The following MICAL2 variants were observed in gnomAD, a reference collection of about 807,000 sequenced individuals.
The protein encoded by MICAL2 is microtubule associated monooxygenase, calponin and LIM domain containing 2, also known as [F-actin]-monooxygenase MICAL2.
Under a neutral mutation model 127.3 loss-of-function variants are expected in MICAL2, and 77 were observed. The ratio of observed to expected loss-of-function variants is 0.60; its 90% CI spans 0.50 to 0.73. The LOEUF (loss-of-function observed/expected upper bound fraction) is 0.73. Ranked by LOEUF, MICAL2 falls within the 30% of genes least tolerant of loss-of-function variation. The pLI is 0.00. For synonymous variants in MICAL2, 570 were observed against 551.1 expected (o/e 1.03, Z -0.48); for missense variants, 1,351 against 1,434.4 (o/e 0.94, Z 0.94).
chr11:12,315,547 A>G (rs1361283416), intron 29 of MICAL2, among the ~76,000 whole-genome samples: 1 of 152,194 alleles, frequency 6.6e-6, no homozygotes, highest in Non-Finnish European at 1.5e-5. Flanking sequence ...GATATTCCAG[A>G]GTATCTTTCC....
chr11:12,141,634 G>A (rs1236908139), intron 2 of MICAL2, among the ~76,000 whole-genome samples: 2 of 152,306 alleles, frequency 1.3e-5, no homozygotes, highest in Non-Finnish European at 2.9e-5. Context: ...AGTGAAAGTT[G>A]GTTGGTATCA....
intron 14 of MICAL2, 49 bp downstream of exon 14, chr11:12,226,419 C>G: frequency 6.4e-7 from 1 of 1,569,562 alleles, no homozygotes. Context: ...CCAACTCTGT[C>G]CCTGTCTCTG....
Position 12,255,733 on chromosome 11 carries a change from G to A in MICAL2, c.2938G>A (p.Ala980Thr). 1 of 1,613,650 alleles carries A rather than the reference G, an allele frequency of 6.2e-7. No individual in the cohort carries two copies. Among genetic ancestry groups the A allele is most frequent in the Non-Finnish European group, 8.5e-7 (1 of 1,179,778 alleles). Residue 980 changes from alanine (A) to threonine (T), a missense_variant, in exon 23 of 28, where the codon GCC becomes ACC. Coordinates refer to ENST00000683283, the MANE Select transcript of MICAL2 (RefSeq NM_001282663.2). The stretch of plus-strand genomic sequence containing the variant: ...GAATGATCACAGACCTAAGGCCCAG[G>A]CCACCTCTCCAGACCTGGTAAGGAC... ...YMNDHRPKAQ[A>T]TSPDLESMRK... is the part of the protein sequence containing the mutation.
intron 32 of MICAL2, among the ~76,000 whole-genome samples, chr11:12,335,813 G>A (rs1173649160): frequency 6.6e-6 from 1 of 152,060 alleles, no homozygotes; most frequent in East Asian, 1.9e-4. Flanking sequence ...ATTGGTCTGT[G>A]TATCTGTTTT....
At chr11:12,127,316 C>A (rs1389148795) in intron 1 of MICAL2, among the ~76,000 whole-genome samples, 1 of 152,192 alleles carries the variant, frequency 6.6e-6, no homozygotes, top group Non-Finnish European at 1.5e-5. Flanking sequence ...CTCATTCATT[C>A]ATTCAGCAGG....
At chr11:12,259,670 C>A in intron 25 of MICAL2, 125 bp from the exon 26 acceptor site, 1 of 845,904 alleles carries the variant, frequency 1.2e-6, no homozygotes, top group Non-Finnish European at 1.7e-6. Flanking sequence ...AGTCGGGGGG[C>A]TGAGATTATT....
intron 3 of MICAL2, among the ~76,000 whole-genome samples, chr11:12,174,218 A>T (rs1856586120): frequency 6.6e-6 from 1 of 152,142 alleles, no homozygotes; most frequent in African/African-American, 2.4e-5. Context: ...AATTTTAACC[A>T]TTTTAAAATG....
intron 17 of MICAL2, among the ~76,000 whole-genome samples, chr11:12,240,261 G>A (rs1238298322): frequency 1.3e-5 from 2 of 152,202 alleles, no homozygotes; most frequent in Non-Finnish European, 1.5e-5. Flanking sequence ...TCTGACTCCG[G>A]CTCCGAGGTC....
exon 3 of MICAL2, chr11:12,287,143 T>C (rs1863836005): frequency 5.0e-6 from 2 of 398,806 alleles, no homozygotes; most frequent in East Asian, 7.1e-5. Flanking sequence ...ATACCAGAAC[T>C]GGAGGAGAGA....
At chr11:12,351,435 A>G (rs959262384) in intron 33 of MICAL2, among the ~76,000 whole-genome samples, 7 of 152,334 alleles carry the variant, frequency 4.6e-5, no homozygotes, top group Non-Finnish European at 8.8e-5. Flanking sequence ...CAAGGATGCT[A>G]CTAAACATCC....
At chr11:12,248,052 G>A (rs1860999912) in intron 21 of MICAL2, among the ~76,000 whole-genome samples, 7 of 152,172 alleles carry the variant, frequency 4.6e-5, no homozygotes, top group Admixed American at 4.6e-4. Context: ...TCTCCTCATG[G>A]GAACAGACTT....
At chr11:12,291,498 T>A (rs536246832), downstream of MICAL2, among the ~76,000 whole-genome samples, 1 of 152,230 alleles carries the variant, frequency 6.6e-6, no homozygotes, top group African/African-American at 2.4e-5. Flanking sequence ...TCCTTTCACC[T>A]CCATCTCTGA....
chr11:12,239,433 C>T lies in MICAL2; in HGVS notation c.2065-3C>T, dbSNP rs201053495. 1.4e-4 allele frequency: 224 copies of T among 1,613,892 alleles called. No homozygotes were observed. Among genetic ancestry groups the T allele is most frequent in the Middle Eastern group, 1.7e-4 (1 of 5,920 alleles). ...CATCAGTGTCCCGTTTCAACCTTTG[C>T]AGCCTTCAAACTTTTCCAGCCGTAG... On this transcript the variant is annotated splice_region_variant and splice_polypyrimidine_tract_variant and intron_variant, in intron 16 of 27. Transcript: ENST00000683283.
intron 26 of MICAL2, chr11:12,261,394 A>G: frequency 1.0e-6 from 1 of 985,512 alleles, no homozygotes; most frequent in Non-Finnish European, 1.2e-6. Context: ...GAGTAAGGGT[A>G]AAAATGAGCA....
At chr11:12,224,358 G>A (rs150089636) in intron 12 of MICAL2, 4 of 305,062 alleles carry the variant, frequency 1.3e-5, no homozygotes, top group African/African-American at 2.1e-5. Context: ...TTGCAGCACT[G>A]TGTCATCATC....
At chr11:12,207,785 T>G in intron 4 of MICAL2, 1 of 431,866 alleles carries the variant, frequency 2.3e-6, no homozygotes, top group Non-Finnish European at 4.1e-6. Context: ...GTCATTTAAC[T>G]TTGTTAAGCC....
At position 12,216,248 on chromosome 11, in the gene MICAL2, A is replaced by C; in HGVS notation, c.877A>C (p.Lys293Gln). 1 of 1,613,964 alleles carries C rather than the reference A, an allele frequency of 6.2e-7. No individual in the cohort carries two copies. The highest frequency in any genetic ancestry group is 1.1e-5 in the South Asian group (1 of 91,082). Residue 293 changes from lysine to glutamine, a missense_variant, in exon 8 of 28, where the codon AAG (lysine) becomes CAG (glutamine). Around this residue, in one of 2 missense-constraint regions of MICAL2, gnomAD observed 599 missense variants for 714.9 expected, o/e 0.84. Transcript: ENST00000683283. Reference sequence around the variant, plus strand: ...AGATCTTGAGAACATTGTTTACTACAAGGACTGCACCCACTATTTTGTAAT... The same window carrying C: ...AGATCTTGAGAACATTGTTTACTACCAGGACTGCACCCACTATTTTGTAAT... ...GIDLENIVYYKDCTHYFVMTA... is the reference protein window; with the variant it reads ...GIDLENIVYYQDCTHYFVMTA...
intron 32 of MICAL2, chr11:12,349,764 A>C (rs1257215030): frequency 7.0e-7 from 1 of 1,427,668 alleles, no homozygotes; most frequent in Non-Finnish European, 9.8e-7. Context: ...TAACCTGCTA[A>C]AGTGGCTCAA....
At chr11:12,215,443 A>C (rs1856020328) in intron 7 of MICAL2, among the ~76,000 whole-genome samples, 1 of 152,166 alleles carries the variant, frequency 6.6e-6, no homozygotes, top group Non-Finnish European at 1.5e-5. Context: ...CTCACACTTG[A>C]GTATGAATTG....
Sources: gnomAD v4.1 joint callset for allele counts (sites outside exome capture counted in the v4.1 genomes callset) on GRCh38, gnomAD v4.1.1 for gene constraint, gnomAD v4.1.1 regional missense constraint, MANE v1.5 for transcripts, NCBI Gene and HGNC (gene_info 2026-07-23, HGNC 2026-07-21) for gene names.